GALNT7: variants seen among roughly 807,000 people sequenced by gnomAD.
GALNT7 encodes N-acetylgalactosaminyltransferase 7.
In GALNT7, 60 loss-of-function variants were observed where a neutral mutation model predicts 82.1. The observed-to-expected ratio is 0.73, with a 90% CI of 0.59 to 0.91. The LOEUF (loss-of-function observed/expected upper bound fraction) is 0.91. GALNT7 is among the 40% of genes least tolerant of loss of function. The pLI is 0.00. For missense variants in GALNT7, 660 were observed against 804.2 expected, an observed-to-expected ratio of 0.82 and a Z score of 2.17; for synonymous variants, 243 against 275.1, an observed-to-expected ratio of 0.88 and a Z score of 1.15.
chr4:173,285,251 C>T (rs1736280802), intron 2 of GALNT7, among the ~76,000 whole-genome samples: 1 of 152,208 alleles, frequency 6.6e-6, no homozygotes, highest in African/African-American at 2.4e-5. Flanking sequence ...TCAGTAGTCT[C>T]AATTACATGT....
chr4:173,181,476 C>T lies in GALNT7; in HGVS notation c.126+12515C>T, dbSNP rs1339771890. ...TAAAATTCTCTATTCTAAAAATATACTAAGAAAGGATGATTTTTAAATACC... is the reference window on the plus strand; with the variant it reads ...TAAAATTCTCTATTCTAAAAATATATTAAGAAAGGATGATTTTTAAATACC... On this transcript the variant is annotated intron_variant, in intron 1 of 11. Transcript: ENST00000265000. Among the ~76,000 whole-genome samples, 3 of 152,178 alleles carry T rather than the reference C, an allele frequency of 2.0e-5. No homozygotes were observed. The South Asian group carries it at 6.2e-4, about 32-fold the overall frequency.
At chr4:173,223,598 G>A (rs76117835) in intron 1 of GALNT7, among the ~76,000 whole-genome samples, 3,342 of 148,492 alleles carry the variant, frequency 0.023, 67 homozygotes, top group South Asian at 0.031. Context: ...CCCACCCCCC[G>A]CAGTCCAAAA....
At chr4:173,307,494 T>G (rs929410477) in intron 8 of GALNT7, among the ~76,000 whole-genome samples, 3 of 152,216 alleles carry the variant, frequency 2.0e-5, no homozygotes, top group African/African-American at 7.2e-5. Context: ...GAGCTGGTGC[T>G]TGGGACATAG....
chr4:173,213,645 G>A (rs910945033), intron 1 of GALNT7, among the ~76,000 whole-genome samples: 12 of 151,926 alleles, frequency 7.9e-5, no homozygotes, highest in Admixed American at 4.6e-4. Flanking sequence ...AAAACGATTT[G>A]ATAACTATAT....
intron 2 of GALNT7, among the ~76,000 whole-genome samples, chr4:173,290,681 A>C (rs1736498731): frequency 6.6e-6 from 1 of 152,254 alleles, no homozygotes; most frequent in Admixed American, 6.5e-5. Flanking sequence ...ACAACAAACT[A>C]TGCATTACTT....
At chr4:173,301,997 G>T (rs1261602453) in intron 6 of GALNT7, 50 bp from the exon 7 acceptor site, 1 of 857,968 alleles carries the variant, frequency 1.2e-6, no homozygotes, top group Non-Finnish European at 2.0e-6. Flanking sequence ...TTGGTGAAGG[G>T]TTATTGGGGG....
intron 1 of GALNT7, among the ~76,000 whole-genome samples, chr4:173,241,826 G>A (rs535049399): frequency 4.1e-4 from 63 of 152,174 alleles, no homozygotes; most frequent in African/African-American, 1.5e-3. Context: ...GCATTTAATT[G>A]GCTCAAAATG....
At chr4:173,239,986 C>A (rs560734571) in intron 1 of GALNT7, among the ~76,000 whole-genome samples, 4 of 152,130 alleles carry the variant, frequency 2.6e-5, no homozygotes, top group Non-Finnish European at 5.9e-5. Context: ...ATATCACTGC[C>A]AAAACCACTT....
At chr4:173,271,587 G>A (rs1443984685) in intron 2 of GALNT7, among the ~76,000 whole-genome samples, 1 of 152,056 alleles carries the variant, frequency 6.6e-6, no homozygotes, top group Non-Finnish European at 1.5e-5. Context: ...CTCCCGAGTA[G>A]GTGGGATTTC....
chr4:173,192,567 G>T (rs902175960), intron 1 of GALNT7, among the ~76,000 whole-genome samples: 2 of 152,112 alleles, frequency 1.3e-5, no homozygotes, highest in African/African-American at 4.8e-5. Context: ...CCACCAGAAG[G>T]GGGCATGTCT....
chr4:173,241,013 A>G (rs916295408), intron 1 of GALNT7, among the ~76,000 whole-genome samples: 2 of 152,160 alleles, frequency 1.3e-5, no homozygotes, highest in African/African-American at 4.8e-5. Flanking sequence ...CAGAACATGT[A>G]GATGGTTTTG....
intron 6 of GALNT7, among the ~76,000 whole-genome samples, chr4:173,299,088 T>C (rs1476347501): frequency 6.6e-6 from 1 of 152,220 alleles, no homozygotes; most frequent in African/African-American, 2.4e-5. Flanking sequence ...ATCTTATTTT[T>C]CTGATCCTAT....
Position 173,192,594 on chromosome 4 carries a change from C to T in GALNT7, c.126+23633C>T, listed in dbSNP as rs547099169. On this transcript the variant is annotated intron_variant, in intron 1 of 11. Transcript: ENST00000265000. ...GGCATGTCTCATTCATATGTACACT[C>T]GAGTTCTTGAATTATCATCGTTGCC... 7.9e-5 allele frequency among the ~76,000 whole-genome samples: 12 copies of T among 152,256 alleles called. No homozygotes were observed. The South Asian group carries it at 2.1e-3, about 26-fold the overall frequency.
At chr4:173,227,897 T>C (rs748621621) in intron 1 of GALNT7, among the ~76,000 whole-genome samples, 3 of 152,156 alleles carry the variant, frequency 2.0e-5, no homozygotes, top group Admixed American at 1.3e-4. Flanking sequence ...GTGAAAAACA[T>C]TGCTAGCTAT....
intron 1 of GALNT7, among the ~76,000 whole-genome samples, chr4:173,232,539 C>G (rs1307793599): frequency 6.6e-6 from 1 of 151,790 alleles, no homozygotes; most frequent in Non-Finnish European, 1.5e-5. Flanking sequence ...CTCAAGCAAT[C>G]CTCCCACCTC....
chr4:173,299,539 C>T (rs73003349), intron 6 of GALNT7, among the ~76,000 whole-genome samples: 13,655 of 152,080 alleles, frequency 0.09, 1,225 homozygotes, highest in African/African-American at 0.23. Context: ...TGAATGGGAA[C>T]ATATTTGAAG....
chr4:173,321,055 A>G (rs1737795539), intron 11 of GALNT7, among the ~76,000 whole-genome samples: 1 of 152,122 alleles, frequency 6.6e-6, no homozygotes, highest in Non-Finnish European at 1.5e-5. Context: ...GGCCTTACAG[A>G]CCCAATCCTG....
Position 173,286,256 on chromosome 4 carries a change from C to G in GALNT7, c.588-5852C>G, listed in dbSNP as rs549313580. The stretch of plus-strand genomic sequence containing the variant: ...CAATCATGTTCAAGTTCTCCAGTTT[C>G]CTTTGGGAGAAAATGGCTCGGCTCT... On this transcript the variant is annotated intron_variant, in intron 2 of 11. Coordinates refer to ENST00000265000, the MANE Select transcript of GALNT7 (RefSeq NM_017423.3). 2.1e-4 allele frequency among the ~76,000 whole-genome samples: 32 copies of G among 152,312 alleles called. No individual in the cohort carries two copies. The South Asian group carries it at 6.4e-3, about 31-fold the overall frequency.
intron 1 of GALNT7, among the ~76,000 whole-genome samples, chr4:173,233,147 C>T (rs1734092508): frequency 6.6e-6 from 1 of 152,198 alleles, no homozygotes; most frequent in Admixed American, 6.5e-5. Context: ...CTGATGGACA[C>T]TTAGGTTGAT....
Sources: allele counts gnomAD v4.1 joint callset (sites outside exome capture counted in the v4.1 genomes callset), GRCh38; gene constraint gnomAD v4.1.1; transcripts MANE v1.5; gene names NCBI Gene and HGNC (gene_info 2026-07-23, HGNC 2026-07-21).